KCNIP4: variants seen among roughly 807,000 people sequenced by gnomAD.
The protein encoded by KCNIP4 is Kv channel-interacting protein 4.
KCNIP4 carries 12 observed loss-of-function variants against 34.0 expected under a neutral mutation model. That is an observed-to-expected ratio of 0.35 (90% confidence interval 0.23 to 0.57). The LOEUF (loss-of-function observed/expected upper bound fraction) is 0.57, where lower values mean the gene tolerates loss of function less well. Among genes scored for constraint, KCNIP4 ranks in the 20% least tolerant of loss-of-function variants. The pLI, the probability that KCNIP4 is intolerant of heterozygous loss-of-function variation, is 0.83. For missense variants in KCNIP4, 238 were observed against 311.7 expected, an observed-to-expected ratio of 0.76 and a Z score of 1.78; for synonymous variants, 124 against 102.2, an observed-to-expected ratio of 1.21 and a Z score of -1.29.
At chr4:21,501,513 A>G (rs1011155367) in intron 1 of KCNIP4, among the ~76,000 whole-genome samples, 4 of 151,974 alleles carry the variant, frequency 2.6e-5, no homozygotes, top group African/African-American at 9.7e-5. Context: ...GATACATTAC[A>G]TTTTCCCAAA....
intron 1 of KCNIP4, among the ~76,000 whole-genome samples, chr4:21,811,684 CT>C: frequency 6.6e-6 from 1 of 152,214 alleles, no homozygotes; most frequent in Non-Finnish European, 1.5e-5. Context: ...TTTTCTTTTC[CT>C]TCCTGTAAGA....
chr4:21,734,972 A>G (rs1018324290), intron 1 of KCNIP4, among the ~76,000 whole-genome samples: 1 of 152,164 alleles, frequency 6.6e-6, no homozygotes, highest in Non-Finnish European at 1.5e-5. Flanking sequence ...AGAGAGACCA[A>G]TAAGTTTCTT....
chr4:21,809,810 A>G (rs1289102111), intron 1 of KCNIP4, among the ~76,000 whole-genome samples: 1 of 152,164 alleles, frequency 6.6e-6, no homozygotes, highest in Non-Finnish European at 1.5e-5. Context: ...AGTTTATTTA[A>G]TTTGTAGAGC....
intron 1 of KCNIP4, among the ~76,000 whole-genome samples, chr4:21,502,271 G>T (rs971421747): frequency 6.6e-6 from 1 of 152,016 alleles, no homozygotes; most frequent in Non-Finnish European, 1.5e-5. Context: ...AAAAGAAAAA[G>T]AAAATGAGTT....
intron 1 of KCNIP4, among the ~76,000 whole-genome samples, chr4:21,219,097 AG>A (rs1357205854): frequency 6.6e-6 from 1 of 152,186 alleles, no homozygotes; most frequent in African/African-American, 2.4e-5. Flanking sequence ...AAAGCAACAA[AG>A]GTTGCTTTTG....
At chr4:21,556,932 A>AAAC (rs1739105441) in intron 1 of KCNIP4, among the ~76,000 whole-genome samples, 1 of 149,478 alleles carries the variant, frequency 6.7e-6, no homozygotes, top group South Asian at 2.1e-4. Flanking sequence ...GAAAAAAAAA[A>AAAC]AAAAAAAAAA....
chr4:20,984,171 A>ACGGAC, intron 1 of KCNIP4: 1 of 529,684 alleles, frequency 1.9e-6, no homozygotes, highest in Non-Finnish European at 3.3e-6. Context: ...ACCACAGCGC[A>ACGGAC]CGGACCTCTC....
intron 1 of KCNIP4, among the ~76,000 whole-genome samples, chr4:21,326,984 CTTA>C (rs1560293290): frequency 6.6e-6 from 1 of 151,806 alleles, no homozygotes; most frequent in Non-Finnish European, 1.5e-5. Flanking sequence ...CTGTTTATAT[CTTA>C]TTATTGTATT....
intron 1 of KCNIP4, among the ~76,000 whole-genome samples, chr4:21,516,267 A>T (rs2109935473): frequency 6.6e-6 from 1 of 152,294 alleles, no homozygotes; most frequent in East Asian, 1.9e-4. Context: ...TGTATAATAT[A>T]CATAAGTTCT....
At chr4:21,703,603 A>G (rs986814282) in intron 1 of KCNIP4, among the ~76,000 whole-genome samples, 4 of 152,190 alleles carry the variant, frequency 2.6e-5, no homozygotes, top group African/African-American at 7.2e-5. Context: ...TGTACTAGCA[A>G]TGAACATATG....
intron 1 of KCNIP4, chr4:21,852,795 A>T (rs984290075): frequency 6.6e-6 from 1 of 152,198 alleles, no homozygotes; most frequent in Non-Finnish European, 1.5e-5. Flanking sequence ...GAATTCTAAC[A>T]GTTTTACTGT....
At chr4:21,668,190 A>G (rs992566368) in intron 1 of KCNIP4, among the ~76,000 whole-genome samples, 1 of 152,168 alleles carries the variant, frequency 6.6e-6, no homozygotes, top group Non-Finnish European at 1.5e-5. Flanking sequence ...ATGAGAACAC[A>G]TGGACACAGA....
chr4:21,530,425 A>G (rs987218331), intron 1 of KCNIP4, among the ~76,000 whole-genome samples: 4 of 152,156 alleles, frequency 2.6e-5, no homozygotes, highest in Non-Finnish European at 5.9e-5. Flanking sequence ...TATTCTTTAA[A>G]TATTTGCTTT....
At chr4:21,280,672 C>T (rs965967734) in intron 1 of KCNIP4, among the ~76,000 whole-genome samples, 19 of 152,156 alleles carry the variant, frequency 1.2e-4, no homozygotes, top group Admixed American at 1.2e-3. Context: ...AAAGAATCAA[C>T]CCATCTAGCA....
intron 3 of KCNIP4, among the ~76,000 whole-genome samples, chr4:20,836,789 A>G (rs1327240335): frequency 3.9e-5 from 6 of 152,160 alleles, no homozygotes; most frequent in Non-Finnish European, 8.8e-5. Flanking sequence ...ACCCTAGTAT[A>G]GCTTAGTTGA....
chr4:21,937,654 G>C lies in KCNIP4; in HGVS notation c.61+10917C>G, dbSNP rs138314840. ...ATTGTTCTTCAAAACTAACCATTCA[G>C]GTTTTTTTCAACCGAACCTCCATCT... On this transcript the variant is annotated intron_variant, in intron 1 of 8. Coordinates refer to ENST00000382152, the MANE Select transcript of KCNIP4 (RefSeq NM_025221.6). Among the ~76,000 whole-genome samples, 600 of 152,076 alleles carry C rather than the reference G, an allele frequency of 3.9e-3. 3 individuals carry two copies. The highest frequency in any genetic ancestry group is 6.4e-3 in the Non-Finnish European group (432 of 67,978).
chr4:21,825,201 C>T (rs1722599590), intron 1 of KCNIP4, among the ~76,000 whole-genome samples: 1 of 151,354 alleles, frequency 6.6e-6, no homozygotes, highest in Non-Finnish European at 1.5e-5. Context: ...TATCAAGTGC[C>T]ACTGAGAGAT....
intron 1 of KCNIP4, among the ~76,000 whole-genome samples, chr4:21,449,638 A>G (rs28405605): frequency 0.12 from 17,847 of 148,316 alleles, 1,192 homozygotes; most frequent in East Asian, 0.32. Flanking sequence ...ATATATATGT[A>G]TATATATATA....
At chr4:20,762,283 G>A (rs1164779333) in intron 3 of KCNIP4, among the ~76,000 whole-genome samples, 1 of 152,082 alleles carries the variant, frequency 6.6e-6, no homozygotes, top group Non-Finnish European at 1.5e-5. Flanking sequence ...CTGTCCACCT[G>A]ATCTAATCAT....
Sources: gnomAD v4.1 joint callset for allele counts (sites outside exome capture counted in the v4.1 genomes callset) on GRCh38, gnomAD v4.1.1 for gene constraint, MANE v1.5 for transcripts, NCBI Gene and HGNC (gene_info 2026-07-23, HGNC 2026-07-21) for gene names.